The following DAB1 variants were observed in gnomAD, a reference collection of about 807,000 sequenced individuals.
DAB1 encodes the protein DAB adaptor protein 1.
Under a neutral mutation model 64.6 loss-of-function variants are expected in DAB1, and 15 were observed. The observed-to-expected ratio is 0.23, with a 90% CI of 0.16 to 0.36. DAB1 has a LOEUF of 0.36. Ranked by LOEUF, DAB1 falls within the 10% of genes least tolerant of loss-of-function variation. The pLI is 1.00. For synonymous variants in DAB1, 235 were observed against 251.9 expected, an observed-to-expected ratio of 0.93 and a Z score of 0.64; for missense variants, 596 against 706.7, an observed-to-expected ratio of 0.84 and a Z score of 1.78.
At chr1:57,064,379 A>G (rs376379832) in intron 8 of DAB1, among the ~76,000 whole-genome samples, 7 of 152,164 alleles carry the variant, frequency 4.6e-5, no homozygotes, top group African/African-American at 1.7e-4. Context: ...TATTATTAAT[A>G]ATGTGAGCTA....
At chr1:57,872,458 C>T (rs1472833944) in intron 1 of DAB1, among the ~76,000 whole-genome samples, 1 of 152,154 alleles carries the variant, frequency 6.6e-6, no homozygotes, top group Non-Finnish European at 1.5e-5. Context: ...AATTCCCAGC[C>T]TTTAGAACTG....
chr1:57,620,948 G>T (rs1472600609), intron 7 of DAB1, among the ~76,000 whole-genome samples: 2 of 152,126 alleles, frequency 1.3e-5, no homozygotes, highest in Non-Finnish European at 2.9e-5. Context: ...ACTTTCTCAT[G>T]CCCACCTTCT....
At chr1:57,292,810 G>A (rs932086395) in intron 1 of DAB1, among the ~76,000 whole-genome samples, 1 of 152,104 alleles carries the variant, frequency 6.6e-6, no homozygotes, top group African/African-American at 2.4e-5. Context: ...AGAGGTATCA[G>A]TCATGTAAGG....
chr1:57,513,889 T>G (rs1272764803), intron 7 of DAB1, among the ~76,000 whole-genome samples: 2 of 151,306 alleles, frequency 1.3e-5, no homozygotes, highest in African/African-American at 4.9e-5. Flanking sequence ...ACCATTTCAC[T>G]CTCTGCTTCT....
chr1:57,275,647 G>T (rs979732250), intron 2 of DAB1, among the ~76,000 whole-genome samples: 2 of 152,128 alleles, frequency 1.3e-5, no homozygotes, highest in African/African-American at 4.8e-5. Context: ...GATAAGCTGA[G>T]GTTAAAAGAT....
chr1:57,954,947 TTAAAGA>T (rs1645358206), intron 5 of DAB1, among the ~76,000 whole-genome samples: 1 of 152,194 alleles, frequency 6.6e-6, no homozygotes, highest in Non-Finnish European at 1.5e-5. Context: ...GGCAAAAGAC[TTAAAGA>T]TAAAGCCACT....
intron 2 of DAB1, among the ~76,000 whole-genome samples, chr1:57,212,041 A>G (rs993067570): frequency 2.0e-5 from 3 of 152,136 alleles, no homozygotes; most frequent in African/African-American, 7.2e-5. Flanking sequence ...CTGTTGCTAC[A>G]ATAGACCTCT....
chr1:57,377,763 G>A (rs994968998), intron 1 of DAB1, among the ~76,000 whole-genome samples: 10 of 152,168 alleles, frequency 6.6e-5, no homozygotes, highest in South Asian at 4.1e-4. Context: ...TAAAGGGACC[G>A]TCTGCAAAGG....
At chr1:58,183,870 A>G (rs1056983340) in intron 4 of DAB1, among the ~76,000 whole-genome samples, 3 of 151,246 alleles carry the variant, frequency 2.0e-5, no homozygotes, top group Non-Finnish European at 4.4e-5. Flanking sequence ...TTCATTTTTA[A>G]GCCTGTTAGA....
intron 3 of DAB1, among the ~76,000 whole-genome samples, chr1:58,436,624 A>G (rs972064550): frequency 2.6e-5 from 4 of 152,152 alleles, no homozygotes; most frequent in Non-Finnish European, 5.9e-5. Flanking sequence ...GTTAACACCA[A>G]CTCCTTTTGG....
intron 6 of DAB1, 96 bp downstream of exon 6, chr1:57,071,426 T>C: frequency 7.1e-7 from 1 of 1,410,336 alleles, no homozygotes. Flanking sequence ...CGTTTATTTC[T>C]ACTTGGCAGC....
intron 2 of DAB1, among the ~76,000 whole-genome samples, chr1:57,147,386 A>G (rs775045716): frequency 6.6e-5 from 10 of 151,942 alleles, no homozygotes; most frequent in Non-Finnish European, 1.2e-4. Flanking sequence ...AGGAATGTCT[A>G]TGTCTATCCA....
At chr1:58,315,578 A>G (rs911030459) in intron 4 of DAB1, among the ~76,000 whole-genome samples, 1 of 152,212 alleles carries the variant, frequency 6.6e-6, no homozygotes, top group Admixed American at 6.5e-5. Context: ...TGTAGTGTTC[A>G]TGGTTCTATC....
chr1:58,106,744 A>G (rs1480527422), intron 5 of DAB1, among the ~76,000 whole-genome samples: 1 of 152,096 alleles, frequency 6.6e-6, no homozygotes, highest in Non-Finnish European at 1.5e-5. Flanking sequence ...CCTAAGTCTT[A>G]TGAATTCTTT....
intron 4 of DAB1, among the ~76,000 whole-genome samples, chr1:58,329,790 G>A (rs758175440): frequency 1.3e-5 from 2 of 152,022 alleles, no homozygotes; most frequent in Non-Finnish European, 2.9e-5. Context: ...TTGGGGCACC[G>A]TGAATAGCGC....
chr1:57,913,137 T>A (rs1461109109), intron 5 of DAB1, among the ~76,000 whole-genome samples: 3 of 152,126 alleles, frequency 2.0e-5, no homozygotes, highest in Non-Finnish European at 4.4e-5. Flanking sequence ...CATTGCCAAA[T>A]CAATCCTAAG....
intron 11 of DAB1, among the ~76,000 whole-genome samples, chr1:57,021,914 C>T (rs757393561): frequency 6.6e-6 from 1 of 152,120 alleles, no homozygotes; most frequent in Non-Finnish European, 1.5e-5. Flanking sequence ...AAGAGCCCCT[C>T]GTGACTACAG....
chr1:57,452,157 G>C (rs1686396838), intron 7 of DAB1, among the ~76,000 whole-genome samples: 3 of 110,238 alleles, frequency 2.7e-5, no homozygotes, highest in African/African-American at 3.9e-5. Context: ...GTCTCTCTCT[G>C]CACCCCCCCT....
intron 6 of DAB1, among the ~76,000 whole-genome samples, chr1:57,666,066 ACTGT>A (rs1265781309): frequency 6.6e-6 from 1 of 152,142 alleles, no homozygotes; most frequent in African/African-American, 2.4e-5. Flanking sequence ...TGCCCATTTA[ACTGT>A]CTAAGTTAAA....
Sources: gnomAD v4.1 joint callset for allele counts (sites outside exome capture counted in the v4.1 genomes callset) on GRCh38, gnomAD v4.1.1 for gene constraint, MANE v1.5 for transcripts, NCBI Gene and HGNC (gene_info 2026-07-23, HGNC 2026-07-21) for gene names.